PPP1R21: variants seen among roughly 807,000 people sequenced by gnomAD.
The protein encoded by PPP1R21 is protein phosphatase 1 regulatory subunit 21.
Under a neutral mutation model 112.8 loss-of-function variants are expected in PPP1R21, and 85 were observed. The observed-to-expected ratio is 0.75, with a 90% CI of 0.63 to 0.90. PPP1R21 has a LOEUF of 0.90. Ranked by LOEUF, PPP1R21 falls within the 40% of genes least tolerant of loss-of-function variation. The pLI is 0.00. For synonymous variants in PPP1R21, 381 were observed against 322.3 expected (o/e 1.18, Z -1.95); for missense variants, 1,199 against 901.5 (o/e 1.33, Z -4.23).
At chr2:48,459,540 C>G (rs1667885229) in intron 4 of PPP1R21, among the ~76,000 whole-genome samples, 1 of 152,138 alleles carries the variant, frequency 6.6e-6, no homozygotes, top group South Asian at 2.1e-4. Context: ...GTTATTAACT[C>G]TTTTAAGCTT....
At chr2:48,488,438 C>G (rs1001489918) in intron 14 of PPP1R21, among the ~76,000 whole-genome samples, 16 of 151,162 alleles carry the variant, frequency 1.1e-4, no homozygotes, top group African/African-American at 3.9e-4. Context: ...ATGATCTCAG[C>G]TCACTGCAAG....
intron 12 of PPP1R21, 24 bp downstream of exon 12, chr2:48,474,843 G>C (rs758695081): frequency 6.2e-7 from 1 of 1,605,650 alleles, no homozygotes. Flanking sequence ...TTGCTTAGGG[G>C]TCAACTTCAA....
intron 17 of PPP1R21, among the ~76,000 whole-genome samples, chr2:48,500,088 A>C (rs1244029160): frequency 1.3e-5 from 2 of 152,190 alleles, no homozygotes; most frequent in Admixed American, 1.3e-4. Context: ...CTTCCACCTC[A>C]TTCAGAGCAT....
chr2:48,484,889 TC>T (rs1389346716), intron 13 of PPP1R21, among the ~76,000 whole-genome samples: 3 of 152,368 alleles, frequency 2.0e-5, no homozygotes, highest in African/African-American at 7.2e-5. Flanking sequence ...TGTACTTTTT[TC>T]ATGAGTACCT....
At chr2:48,447,576 T>C (rs111706053) in intron 1 of PPP1R21, among the ~76,000 whole-genome samples, 34 of 152,328 alleles carry the variant, frequency 2.2e-4, no homozygotes, top group African/African-American at 7.5e-4. Flanking sequence ...GGTAATCTTA[T>C]ACCTACATCT....
At chr2:48,498,191 T>G (rs1669936189) in intron 16 of PPP1R21, among the ~76,000 whole-genome samples, 1 of 152,132 alleles carries the variant, frequency 6.6e-6, no homozygotes, top group Admixed American at 6.5e-5. Flanking sequence ...GTTCTAGTTA[T>G]TGGGTCTCTG....
chr2:48,444,024 T>C (rs1416873380), intron 1 of PPP1R21, among the ~76,000 whole-genome samples: 1 of 151,750 alleles, frequency 6.6e-6, no homozygotes, highest in Non-Finnish European at 1.5e-5. Context: ...TCATAATCTT[T>C]CCTCTTGAAA....
chr2:48,504,297 T>C (rs1011343713), intron 17 of PPP1R21, among the ~76,000 whole-genome samples: 3 of 152,214 alleles, frequency 2.0e-5, no homozygotes, highest in South Asian at 2.1e-4. Context: ...TCAGTTGATA[T>C]ACTCTCAGTG....
In PPP1R21 at chr2:48,486,697, T is replaced by C; in HGVS notation, c.1385T>C (p.Leu462Pro). ...GAACTTCCAACAGCAACACAGAAGC[T>C]GATAACAACTAATGACTGTATCCTG... is the stretch of plus-strand genomic sequence containing the variant. ...EHELPTATQK[L>P]ITTNDCILSS... is the part of the protein sequence containing the mutation. The change falls in exon 14 of 22, where the codon CTG becomes CCG. Residue 462 changes from leucine to proline, a missense_variant. Physicochemically the swap from Leu to Pro is moderately conservative, Grantham distance 98. Coordinates refer to ENST00000294952, the MANE Select transcript of PPP1R21 (RefSeq NM_001135629.3). 1 of 1,613,962 alleles carries C rather than the reference T, an allele frequency of 6.2e-7. No homozygotes were observed. Among genetic ancestry groups the C allele is most frequent in the Non-Finnish European group, 8.5e-7 (1 of 1,179,864 alleles).
At chr2:48,484,193 A>G (rs1052061100) in intron 13 of PPP1R21, among the ~76,000 whole-genome samples, 2 of 152,166 alleles carry the variant, frequency 1.3e-5, no homozygotes, top group Non-Finnish European at 2.9e-5. Context: ...ACCCAAGACC[A>G]TGCTTGTGTC....
chr2:48,509,358 A>G (rs1390890400), intron 19 of PPP1R21, among the ~76,000 whole-genome samples: 6 of 151,386 alleles, frequency 4.0e-5, no homozygotes, highest in Non-Finnish European at 5.9e-5. Context: ...TGTAATAATC[A>G]CTTTTCTTTT....
Position 48,491,066 on chromosome 2 carries a change from A to G in PPP1R21, c.1495A>G (p.Ser499Gly), listed in dbSNP as rs1238953015. The G allele has an allele frequency of 6.2e-7, 1 of 1,614,048 alleles. No individual in the cohort carries two copies. The highest frequency in any genetic ancestry group is 8.5e-7 in the Non-Finnish European group (1 of 1,179,932). Residue 499 changes from serine (S) to glycine (G), a missense_variant, in exon 15 of 22, where the codon AGC (serine) becomes GGC (glycine). Coordinates refer to ENST00000294952, the MANE Select transcript of PPP1R21 (RefSeq NM_001135629.3). ...NNLDYFIASL[S>G]YGPKAASGFI... ...TTTGGACTACTTCATTGCTTCACTG[A>G]GCTATGGACCTAAGGCAGCGAGTGG...
rs1413451789 is a variant in PPP1R21 at position 48,491,564 on chromosome 2, G to A, written c.1599+394G>A. On this transcript the variant is annotated intron_variant, in intron 15 of 21. Transcript: ENST00000294952. ...CAAAAAAAAAGAAAAAAAAAAGAGA[G>A]AAGATACTGCAGTATATTAAGAAGA... 2.0e-5 allele frequency among the ~76,000 whole-genome samples: 3 copies of A among 151,828 alleles called. No homozygotes were observed. The East Asian group carries it at 5.8e-4, about 29-fold the overall frequency.
chr2:48,485,683 T>A (rs565707517), intron 13 of PPP1R21, among the ~76,000 whole-genome samples: 1 of 151,772 alleles, frequency 6.6e-6, no homozygotes, highest in South Asian at 2.1e-4. Context: ...AACATCATGA[T>A]CACTTCAGGT....
chr2:48,467,827 C>G (rs770923961), intron 9 of PPP1R21, among the ~76,000 whole-genome samples: 1 of 152,174 alleles, frequency 6.6e-6, no homozygotes, highest in Non-Finnish European at 1.5e-5. Context: ...TTGAAGCCAT[C>G]TTAGAAGCTG....
At chr2:48,511,936 A>G (rs892581075) in intron 21 of PPP1R21, among the ~76,000 whole-genome samples, 3 of 151,932 alleles carry the variant, frequency 2.0e-5, no homozygotes, top group Non-Finnish European at 4.4e-5. Flanking sequence ...TTTTTCCAAA[A>G]GTATTAAGTG....
intron 17 of PPP1R21, among the ~76,000 whole-genome samples, chr2:48,504,878 C>G (rs1382354321): frequency 6.6e-6 from 1 of 152,094 alleles, no homozygotes; most frequent in Non-Finnish European, 1.5e-5. Context: ...CCTGTAATCT[C>G]AGCTACTCAG....
At chr2:48,486,016 A>G (rs1205839034) in intron 13 of PPP1R21, among the ~76,000 whole-genome samples, 1 of 149,336 alleles carries the variant, frequency 6.7e-6, no homozygotes, top group African/African-American at 2.4e-5. Context: ...ATTAATACAT[A>G]TGTGTATATA....
At chr2:48,490,102 C>T (rs917910659) in intron 14 of PPP1R21, among the ~76,000 whole-genome samples, 5 of 151,226 alleles carry the variant, frequency 3.3e-5, no homozygotes, top group African/African-American at 1.2e-4. Context: ...ACCTGTAATC[C>T]CAGCTACTCA....
Sources: gnomAD v4.1 joint callset for allele counts (sites outside exome capture counted in the v4.1 genomes callset) on GRCh38, gnomAD v4.1.1 for gene constraint, MANE v1.5 for transcripts, NCBI Gene and HGNC (gene_info 2026-07-23, HGNC 2026-07-21) for gene names.